The following SCAP variants were observed in gnomAD, a reference collection of about 807,000 sequenced individuals.
The protein encoded by SCAP is SREBF chaperone.
A neutral mutation model predicts 123.6 loss-of-function variants in SCAP; 65 were observed. The observed-to-expected ratio is 0.53, with a 90% CI of 0.43 to 0.65. SCAP has a LOEUF of 0.65. Ranked by LOEUF, SCAP falls within the 30% of genes least tolerant of loss-of-function variation. The pLI is 0.00. For synonymous variants in SCAP, 740 were observed against 726.3 expected, an observed-to-expected ratio of 1.02 and a Z score of -0.30; for missense variants, 1,398 against 1,712.5, an observed-to-expected ratio of 0.82 and a Z score of 3.24.
In SCAP at chr3:47,419,979, T is replaced by C. The variant is rs537629305; in HGVS notation, c.1564-275A>G. On this transcript the variant is annotated intron_variant, in intron 12 of 22. Transcript: ENST00000265565. This position sits in a 1 kb window ranked among gnomAD's most constrained non-coding sequence, Gnocchi z 5.0. Reference sequence around the variant, plus strand: ...AAGCACCCTGAGGTTTGACACAGAATGTCCCCACCCCTAAGCTCCACCTCA... The same window carrying C: ...AAGCACCCTGAGGTTTGACACAGAACGTCCCCACCCCTAAGCTCCACCTCA... 3.3e-5 allele frequency among the ~76,000 whole-genome samples: 5 copies of C among 152,300 alleles called. No individual in the cohort carries two copies. Among genetic ancestry groups the C allele is most frequent in the African/African-American group, 1.2e-4 (5 of 41,580 alleles).
intron 1 of SCAP, among the ~76,000 whole-genome samples, chr3:47,474,444 A>T (rs985328269): frequency 6.6e-6 from 1 of 152,140 alleles, no homozygotes; most frequent in Non-Finnish European, 1.5e-5. Context: ...CTCAGTGGGA[A>T]TACTGCAAAT....
At chr3:47,436,873 C>T (rs1238817813) in intron 2 of SCAP, among the ~76,000 whole-genome samples, 2 of 152,174 alleles carry the variant, frequency 1.3e-5, no homozygotes, top group Non-Finnish European at 2.9e-5. Flanking sequence ...ATACCACTCC[C>T]CACCACCAAA....
Position 47,420,904 on chromosome 3 carries a change from G to A in SCAP, c.1344+27C>T, listed in dbSNP as rs776825257. On this transcript the variant is annotated intron_variant, in intron 11 of 22. Coordinates refer to ENST00000265565, the MANE Select transcript of SCAP (RefSeq NM_012235.4). The surrounding 1 kb of genome is among the most constrained non-coding windows in gnomAD (Gnocchi z 5.0). ...AGTACAGCCAGGGCTGAGGAGGCGGGCAGGGCAGGGCTCAGCCCACTCCTA... is the reference window on the plus strand; with the variant it reads ...AGTACAGCCAGGGCTGAGGAGGCGGACAGGGCAGGGCTCAGCCCACTCCTA... 1.7e-5 allele frequency: 28 copies of A among 1,602,932 alleles called. 1 individual carries two copies. Among genetic ancestry groups the A allele is most frequent in the Non-Finnish European group, 2.3e-5 (27 of 1,170,218 alleles).
Position 47,435,023 on chromosome 3 carries a change from A to G in SCAP, c.237T>C (p.Thr79=), listed in dbSNP as rs1706512782. The change falls in exon 3 of 23, where the codon ACT becomes ACC. Residue 79 remains threonine, a synonymous_variant. Transcript: ENST00000265565. Reference sequence around the variant, plus strand: ...GAGTACCCACCCACTCAGGCTGCTCAGTAGGCTCTCCTTGTTTGCGGTCAG... The same window carrying G: ...GAGTACCCACCCACTCAGGCTGCTCGGTAGGCTCTCCTTGTTTGCGGTCAG... The part of the protein sequence containing the change: ...VDSDRKQGEP[T]EQPEWYVGAP... The G allele has an allele frequency of 6.2e-7, 1 of 1,614,172 alleles. No individual in the cohort carries two copies. The highest frequency in any genetic ancestry group is 8.5e-7 in the Non-Finnish European group (1 of 1,180,008).
chr3:47,459,255 C>T (rs1028113849), intron 1 of SCAP, among the ~76,000 whole-genome samples: 1 of 152,196 alleles, frequency 6.6e-6, no homozygotes, highest in African/African-American at 2.4e-5. Context: ...CTCCTGCCAC[C>T]AGCTACACAT....
chr3:47,421,190 AG>A, intron 10 of SCAP, 161 bp from the exon 11 acceptor site: 2 of 646,734 alleles, frequency 3.1e-6, no homozygotes, highest in South Asian at 3.6e-5. Context: ...CTCACATACC[AG>A]CAGCAGCTCA....
rs1484453850 is a variant in SCAP at position 47,455,081 on chromosome 3, AT to A, written c.-98-11991del. ...AAATTACATATATATATATATATAT[AT>A]ATATATATATATAATCAACTGAAAA... On this transcript the variant is annotated intron_variant, in intron 1 of 22. Coordinates refer to ENST00000265565, the MANE Select transcript of SCAP (RefSeq NM_012235.4). 8.2e-5 allele frequency among the ~76,000 whole-genome samples: 12 copies of A among 147,066 alleles called. 1 individual carries two copies. Among genetic ancestry groups the A allele is most frequent in the African/African-American group, 2.0e-4 (8 of 40,656 alleles).
intron 1 of SCAP, 70 bp from the exon 2 acceptor site, chr3:47,443,161 G>A (rs1706872515): frequency 7.9e-7 from 1 of 1,263,716 alleles, no homozygotes; most frequent in Non-Finnish European, 1.1e-6. Flanking sequence ...GCTGGAGGGA[G>A]GCGATAGTTA....
intron 2 of SCAP, among the ~76,000 whole-genome samples, chr3:47,440,230 A>G (rs549259074): frequency 6.6e-6 from 1 of 152,340 alleles, no homozygotes; most frequent in African/African-American, 2.4e-5. Context: ...CAAAACTACT[A>G]GAAGCAGTCT....
chr3:47,454,339 A>G (rs148254941), intron 1 of SCAP, among the ~76,000 whole-genome samples: 2 of 151,900 alleles, frequency 1.3e-5, no homozygotes, highest in African/African-American at 4.8e-5. Context: ...CTGCACTCCC[A>G]TCTGGGCGAA....
At position 47,420,404 on chromosome 3, in the gene SCAP, A is replaced by G; in HGVS notation, c.1563+150T>C. ...CCACTAGGGTCTGGGCAGGGAGGAC[A>G]CAACGGGCAACTCCCCAGAGCCAGG... is the stretch of plus-strand genomic sequence containing the variant. On this transcript the variant is annotated intron_variant, in intron 12 of 22. Transcript: ENST00000265565. The surrounding 1 kb of genome is among the most constrained non-coding windows in gnomAD (Gnocchi z 5.0). The G allele has an allele frequency of 1.5e-6, 1 of 681,622 alleles. No homozygotes were observed. The allele number at this position is 681,622 out of a possible 1,614,324, so 42.2% of individuals were successfully genotyped here. A position where few individuals can be genotyped will look rare whatever the true frequency, so the allele number is the denominator to read the frequency against.
chr3:47,443,725 G>A (rs1459175262), intron 1 of SCAP, among the ~76,000 whole-genome samples: 1 of 152,204 alleles, frequency 6.6e-6, no homozygotes, highest in Non-Finnish European at 1.5e-5. Flanking sequence ...AAGGCAGAGA[G>A]CAGCTCCTGT....
intron 1 of SCAP, among the ~76,000 whole-genome samples, chr3:47,465,848 A>C (rs998604440): frequency 4.0e-5 from 6 of 151,386 alleles, no homozygotes; most frequent in Admixed American, 6.6e-5. Context: ...AAACAAAAAA[A>C]AAAAAGCTGG....
At chr3:47,426,299 T>A (rs1389289133) in intron 6 of SCAP, 130 bp from the exon 7 acceptor site, 1 of 894,256 alleles carries the variant, frequency 1.1e-6, no homozygotes, top group Non-Finnish European at 1.6e-6. Context: ...TTCTCTATGG[T>A]GCCTGAGCTT....
At chr3:47,416,067 G>A (rs1442372698) in intron 18 of SCAP, among the ~76,000 whole-genome samples, 1 of 152,222 alleles carries the variant, frequency 6.6e-6, no homozygotes, top group African/African-American at 2.4e-5. Flanking sequence ...GCAGCCCACT[G>A]GCAGAAATCA....
intron 3 of SCAP, among the ~76,000 whole-genome samples, chr3:47,434,630 G>T (rs1706496549): frequency 6.6e-6 from 1 of 152,174 alleles, no homozygotes; most frequent in Admixed American, 6.5e-5. Context: ...CCAAGGTCAG[G>T]AGTTCGAGAC....
Position 47,454,525 on chromosome 3 carries a change from G to A in SCAP, c.-98-11434C>T, listed in dbSNP as rs1262582502. Among the ~76,000 whole-genome samples, 4 of 151,638 alleles carry A rather than the reference G, an allele frequency of 2.6e-5. No individual in the cohort carries two copies. In the East Asian group the frequency reaches 7.8e-4, roughly 30 times the overall value. On this transcript the variant is annotated intron_variant, in intron 1 of 22. Transcript: ENST00000265565. The stretch of plus-strand genomic sequence containing the variant: ...GTGGATCGTTTGAGGTCAGGAGTTC[G>A]AGACCAGCCTGGCCAACAAGGTGAA...
intron 1 of SCAP, among the ~76,000 whole-genome samples, chr3:47,469,496 T>C (rs1707955587): frequency 6.6e-6 from 1 of 152,186 alleles, no homozygotes; most frequent in South Asian, 2.1e-4. Flanking sequence ...TAGCTAGAAT[T>C]ACAGGTGCGT....
intron 18 of SCAP, 55 bp downstream of exon 18, chr3:47,417,067 A>G: frequency 2.0e-6 from 3 of 1,496,744 alleles, no homozygotes; most frequent in Non-Finnish European, 2.8e-6. Context: ...TCAAGAGAGT[A>G]TGGCCTAGCC....
Sources: gnomAD v4.1 joint callset for allele counts (sites outside exome capture counted in the v4.1 genomes callset) on GRCh38, gnomAD v4.1.1 for gene constraint, Gnocchi (gnomAD v3.1) non-coding constraint, MANE v1.5 for transcripts, NCBI Gene and HGNC (gene_info 2026-07-23, HGNC 2026-07-21) for gene names.